CBFA2T2: variants seen among roughly 807,000 people sequenced by gnomAD.
CBFA2T2 encodes CBFA2/RUNX1 partner transcriptional co-repressor 2.
A neutral mutation model predicts 62.2 loss-of-function variants in CBFA2T2; 11 were observed. The observed-to-expected ratio is 0.18, with a 90% CI of 0.11 to 0.29. CBFA2T2 has a LOEUF of 0.29. Ranked by LOEUF, CBFA2T2 falls within the 10% of genes least tolerant of loss-of-function variation. The pLI is 1.00. For synonymous variants in CBFA2T2, 295 were observed against 287.5 expected (o/e 1.03, Z -0.27); for missense variants, 592 against 774.1 (o/e 0.76, Z 2.79).
chr20:33,500,424 C>T (rs1212655537), intron 1 of CBFA2T2, among the ~76,000 whole-genome samples: 1 of 151,856 alleles, frequency 6.6e-6, no homozygotes. Flanking sequence ...AAAAAAAAGT[C>T]CAGGCCAGGC....
intron 3 of CBFA2T2, among the ~76,000 whole-genome samples, chr20:33,617,848 T>C (rs2015768334): frequency 6.6e-6 from 1 of 152,198 alleles, no homozygotes; most frequent in Non-Finnish European, 1.5e-5. Context: ...CCCTTTTCCC[T>C]GAAGGAAAAT....
At chr20:33,501,456 A>G (rs1568787219) in intron 1 of CBFA2T2, among the ~76,000 whole-genome samples, 1 of 152,046 alleles carries the variant, frequency 6.6e-6, no homozygotes, top group Non-Finnish European at 1.5e-5. Context: ...GTCTGGGACT[A>G]AAGGTGGAAG....
At chr20:33,605,681 C>T (rs1342753435) in intron 1 of CBFA2T2, among the ~76,000 whole-genome samples, 1 of 152,170 alleles carries the variant, frequency 6.6e-6, no homozygotes, top group African/African-American at 2.4e-5. Context: ...CATGTAGACT[C>T]AGCTCTACTT....
chr20:33,532,821 T>C (rs891630204), intron 1 of CBFA2T2, among the ~76,000 whole-genome samples: 1 of 152,246 alleles, frequency 6.6e-6, no homozygotes, highest in African/African-American at 2.4e-5. Context: ...TATGGCATGG[T>C]ATTATAGATA....
intron 1 of CBFA2T2, among the ~76,000 whole-genome samples, chr20:33,499,262 AC>A (rs1444425499): frequency 6.6e-6 from 1 of 152,146 alleles, no homozygotes; most frequent in Admixed American, 6.5e-5. Flanking sequence ...AAGATTTCTC[AC>A]CTGCCAATTT....
intron 1 of CBFA2T2, among the ~76,000 whole-genome samples, chr20:33,558,946 C>T (rs2013002284): frequency 6.6e-6 from 1 of 151,646 alleles, no homozygotes; most frequent in African/African-American, 2.4e-5. Context: ...AAATAATGAA[C>T]ATTGAACCCA....
intron 1 of CBFA2T2, among the ~76,000 whole-genome samples, chr20:33,514,500 A>G (rs1459658718): frequency 6.6e-6 from 1 of 151,782 alleles, no homozygotes; most frequent in Non-Finnish European, 1.5e-5. Context: ...TTTAAAGAGC[A>G]CCAAGGAGGC....
intron 1 of CBFA2T2, among the ~76,000 whole-genome samples, chr20:33,606,210 C>T (rs2015333767): frequency 6.6e-6 from 1 of 152,156 alleles, no homozygotes; most frequent in African/African-American, 2.4e-5. Flanking sequence ...TTAGCTTTTT[C>T]ACCCCTAATA....
At chr20:33,523,680 T>G (rs2146863673) in intron 1 of CBFA2T2, among the ~76,000 whole-genome samples, 1 of 151,984 alleles carries the variant, frequency 6.6e-6, no homozygotes, top group African/African-American at 2.4e-5. Flanking sequence ...TGTGTTGTGT[T>G]TTTTGTTTTG....
At chr20:33,578,032 A>G (rs1038316906) in intron 1 of CBFA2T2, among the ~76,000 whole-genome samples, 2 of 152,194 alleles carry the variant, frequency 1.3e-5, no homozygotes, top group Non-Finnish European at 2.9e-5. Context: ...AACTTGCTTC[A>G]TTATCAGTGT....
chr20:33,583,784 G>C (rs1417807744), intron 1 of CBFA2T2, among the ~76,000 whole-genome samples: 1 of 152,072 alleles, frequency 6.6e-6, no homozygotes, highest in Non-Finnish European at 1.5e-5. Context: ...GGGAGGCCAA[G>C]TGTCTCAAAA....
At chr20:33,635,060 G>A (rs2016588741) in intron 8 of CBFA2T2, among the ~76,000 whole-genome samples, 1 of 152,158 alleles carries the variant, frequency 6.6e-6, no homozygotes, top group Non-Finnish European at 1.5e-5. Flanking sequence ...GGATAGAATA[G>A]TTATTGAAAT....
intron 1 of CBFA2T2, among the ~76,000 whole-genome samples, chr20:33,592,226 C>T (rs999139046): frequency 2.0e-5 from 3 of 151,646 alleles, no homozygotes; most frequent in South Asian, 2.1e-4. Context: ...AGCCAGGCAT[C>T]GTGGCACGCG....
intron 10 of CBFA2T2, among the ~76,000 whole-genome samples, chr20:33,641,324 G>A (rs1401900683): frequency 6.6e-6 from 1 of 152,148 alleles, no homozygotes; most frequent in African/African-American, 2.4e-5. Flanking sequence ...AACAGGTTGG[G>A]TGTATCTGCC....
chr20:33,626,272 A>T (rs2016225404), intron 6 of CBFA2T2, among the ~76,000 whole-genome samples: 2 of 152,214 alleles, frequency 1.3e-5, no homozygotes, highest in Admixed American at 1.3e-4. Flanking sequence ...AAAATTAAGC[A>T]GGAAAGATGC....
intron 1 of CBFA2T2, among the ~76,000 whole-genome samples, chr20:33,535,651 A>ATTTAT (rs541326916): frequency 2.2e-5 from 3 of 139,430 alleles, no homozygotes; most frequent in East Asian, 2.0e-4. Context: ...TTAAATATTT[A>ATTTAT]TTTATTTTAT....
Position 33,594,322 on chromosome 20 carries a change from A to C in CBFA2T2, c.35-12634A>C, listed in dbSNP as rs143902621. Among the ~76,000 whole-genome samples the C allele has an allele frequency of 1.6e-3, 244 of 151,986 alleles. 1 individual carries two copies. The highest frequency in any genetic ancestry group is 5.7e-3 in the African/African-American group (236 of 41,434). On this transcript the variant is annotated intron_variant, in intron 1 of 10. Coordinates refer to ENST00000342704, the MANE Select transcript of CBFA2T2 (RefSeq NM_001032999.3). ...CTGCAACCTCTGCCTCCTGGGTTGG[A>C]GCAATTCTCTTGCCTCAGCCTCCCG...
intron 1 of CBFA2T2, chr20:33,600,296 G>A (rs1241249340): frequency 1.3e-5 from 2 of 157,146 alleles, no homozygotes; most frequent in Non-Finnish European, 2.7e-5. Flanking sequence ...GGTTCAAGCA[G>A]TTCTTCTGCC....
intron 1 of CBFA2T2, among the ~76,000 whole-genome samples, chr20:33,594,097 TAGG>T (rs2014783021): frequency 1.3e-5 from 2 of 152,170 alleles, no homozygotes; most frequent in Non-Finnish European, 2.9e-5. Flanking sequence ...AAAGAATAGT[TAGG>T]AGGCAGATGA....
Sources: gnomAD v4.1 joint callset for allele counts (sites outside exome capture counted in the v4.1 genomes callset) on GRCh38, gnomAD v4.1.1 for gene constraint, MANE v1.5 for transcripts, NCBI Gene and HGNC (gene_info 2026-07-23, HGNC 2026-07-21) for gene names.